Variants in ARHGAP20 observed in about 807,000 individuals in gnomAD.
The protein encoded by ARHGAP20 is rho GTPase-activating protein 20.
ARHGAP20 carries 34 observed loss-of-function variants against 73.7 expected under a neutral mutation model. That is an observed-to-expected ratio of 0.46 (90% CI 0.35 to 0.61). ARHGAP20 has a LOEUF of 0.61. ARHGAP20 is among the 20% of genes least tolerant of loss of function. ARHGAP20 has a pLI of 0.00. For missense variants in ARHGAP20, 1,314 were observed against 1,420.9 expected, an observed-to-expected ratio of 0.92 and a Z score of 1.21; for synonymous variants, 523 against 518.2, an observed-to-expected ratio of 1.01 and a Z score of -0.13.
At chr11:110,689,832 C>T (rs963795409) in intron 2 of ARHGAP20, among the ~76,000 whole-genome samples, 1 of 152,090 alleles carries the variant, frequency 6.6e-6, no homozygotes, top group Non-Finnish European at 1.5e-5. Flanking sequence ...CATACAAAAT[C>T]CCCCACATCA....
At chr11:110,707,182 T>C (rs1950565463) in intron 1 of ARHGAP20, among the ~76,000 whole-genome samples, 1 of 152,134 alleles carries the variant, frequency 6.6e-6, no homozygotes, top group Admixed American at 6.5e-5. Context: ...TATAAGTCTC[T>C]TTTCCCCCAT....
At chr11:110,667,527 G>C (rs1949748750) in intron 2 of ARHGAP20, among the ~76,000 whole-genome samples, 1 of 152,316 alleles carries the variant, frequency 6.6e-6, no homozygotes. Flanking sequence ...TGATGGAAAT[G>C]TACAAGGAGA....
At position 110,606,631 on chromosome 11, in the gene ARHGAP20, C is replaced by A. The variant is rs1396351038; in HGVS notation, c.894G>T (p.Gln298His). ...ACTGGCACTGCATCTCTCGGGGGAGCTGTTCCATAAGGAAGGGCTCCTGGA... is the reference window on the plus strand; with the variant it reads ...ACTGGCACTGCATCTCTCGGGGGAGATGTTCCATAAGGAAGGGCTCCTGGA... ...FNLQEPFLME[Q>H]LPREMQCQFI... Residue 298 changes from glutamine (Q) to histidine (H), a missense_variant, in exon 9 of 15, where the codon CAG becomes CAT. Physicochemically the swap from Gln to His is conservative, Grantham distance 24. This residue lies in a region of ARHGAP20 where 443 missense variants were observed against 466.4 expected (regional missense o/e 0.95). Coordinates refer to ENST00000683387, the MANE Select transcript of ARHGAP20 (RefSeq NM_001384657.1). 7 of 1,611,936 alleles carry A rather than the reference C, an allele frequency of 4.3e-6. No individual in the cohort carries two copies. The Admixed American group carries it at 8.4e-5, about 19-fold the overall frequency.
intron 8 of ARHGAP20, among the ~76,000 whole-genome samples, chr11:110,608,431 T>G (rs1948285218): frequency 6.6e-6 from 1 of 152,078 alleles, no homozygotes; most frequent in African/African-American, 2.4e-5. Flanking sequence ...ACTAGAGAAA[T>G]AGCAAAATAA....
chr11:110,644,032 A>T (rs925334010), intron 2 of ARHGAP20, among the ~76,000 whole-genome samples: 45 of 152,096 alleles, frequency 3.0e-4, no homozygotes, highest in African/African-American at 8.9e-4. Flanking sequence ...AAGCTGAGAG[A>T]TAAGTCAAGA....
chr11:110,711,746 C>G, intron 1 of ARHGAP20: 1 of 1,363,852 alleles, frequency 7.3e-7, no homozygotes. Flanking sequence ...AGTGCTCGCC[C>G]AGGCCACTTC....
At chr11:110,645,672 G>C (rs775092880) in intron 2 of ARHGAP20, among the ~76,000 whole-genome samples, 1 of 152,146 alleles carries the variant, frequency 6.6e-6, no homozygotes, top group African/African-American at 2.4e-5. Flanking sequence ...ATATGTACCT[G>C]TATGTTCATT....
chr11:110,589,429 C>T (rs1294277519), intron 11 of ARHGAP20: 1 of 985,400 alleles, frequency 1.0e-6, no homozygotes. Flanking sequence ...CACCTGGGCA[C>T]TCAGCTGGAG....
chr11:110,708,626 CA>C (rs776088288), intron 1 of ARHGAP20, among the ~76,000 whole-genome samples: 2 of 151,430 alleles, frequency 1.3e-5, no homozygotes, highest in African/African-American at 4.9e-5. Context: ...ACAAGCCAGA[CA>C]AAAAAAGAAT....
At chr11:110,711,577 C>A in intron 1 of ARHGAP20, 3 of 1,465,340 alleles carry the variant, frequency 2.0e-6, no homozygotes, top group South Asian at 1.3e-5. Context: ...ATCTGCCCCC[C>A]GAAAACTGCT....
intron 2 of ARHGAP20, among the ~76,000 whole-genome samples, chr11:110,657,567 T>C (rs982115377): frequency 1.6e-4 from 24 of 152,028 alleles, no homozygotes; most frequent in African/African-American, 5.1e-4. Flanking sequence ...GGGGAGTATA[T>C]TCAAGGTAAA....
intron 2 of ARHGAP20, among the ~76,000 whole-genome samples, chr11:110,689,887 CCT>C (rs776115383): frequency 2.0e-5 from 3 of 151,868 alleles, no homozygotes; most frequent in Non-Finnish European, 2.9e-5. Context: ...CCTGCTTGGC[CCT>C]CTTTCAAGTT....
chr11:110,596,303 T>G (rs1020649475), intron 9 of ARHGAP20, among the ~76,000 whole-genome samples: 3 of 150,604 alleles, frequency 2.0e-5, no homozygotes, highest in Non-Finnish European at 4.4e-5. Context: ...TGGGATCTAA[T>G]TAAACTAAAG....
At chr11:110,625,032 A>ATTTTTTTTTTTT (rs766777290) in intron 3 of ARHGAP20, among the ~76,000 whole-genome samples, 2 of 108,092 alleles carry the variant, frequency 1.9e-5, no homozygotes, top group African/African-American at 5.3e-5. Flanking sequence ...TTTTATTTTT[A>ATTTTTTTTTTTT]TTTTTTTTTT....
intron 2 of ARHGAP20, among the ~76,000 whole-genome samples, chr11:110,670,884 A>G (rs997822096): frequency 6.6e-6 from 1 of 152,168 alleles, no homozygotes; most frequent in Admixed American, 6.5e-5. Flanking sequence ...GTCAAGGAAC[A>G]AGGAAGGTCT....
chr11:110,677,474 C>T (rs559171705), intron 2 of ARHGAP20, among the ~76,000 whole-genome samples: 10 of 152,076 alleles, frequency 6.6e-5, no homozygotes, highest in Non-Finnish European at 1.0e-4. Context: ...GGCAAGACAG[C>T]GAAACCCAGT....
At chr11:110,711,999 C>A in intron 1 of ARHGAP20, 128 bp downstream of exon 1, 1 of 1,239,538 alleles carries the variant, frequency 8.1e-7, no homozygotes, top group Non-Finnish European at 1.0e-6. Flanking sequence ...TCATTAGGGG[C>A]CGCGAGCCTC....
intron 2 of ARHGAP20, among the ~76,000 whole-genome samples, chr11:110,661,889 CA>C (rs1398176104): frequency 6.6e-6 from 1 of 151,592 alleles, no homozygotes; most frequent in East Asian, 1.9e-4. Context: ...AGAAAAAATA[CA>C]AAAGATATAA....
At chr11:110,645,587 A>ACT (rs1240433460) in intron 2 of ARHGAP20, among the ~76,000 whole-genome samples, 1 of 152,178 alleles carries the variant, frequency 6.6e-6, no homozygotes, top group East Asian at 1.9e-4. Context: ...TAAGAGTTGA[A>ACT]CTATCATTCA....
Sources: gnomAD v4.1 joint callset for allele counts (sites outside exome capture counted in the v4.1 genomes callset) on GRCh38, gnomAD v4.1.1 for gene constraint, gnomAD v4.1.1 regional missense constraint, MANE v1.5 for transcripts, NCBI Gene and HGNC (gene_info 2026-07-23, HGNC 2026-07-21) for gene names.